SHANK2: variants seen among roughly 807,000 people sequenced by gnomAD.
SHANK2 encodes the protein SH3 and multiple ankyrin repeat domains protein 2.
Under a neutral mutation model 133.7 loss-of-function variants are expected in SHANK2, and 43 were observed. The ratio of observed to expected loss-of-function variants is 0.32; its 90% CI spans 0.25 to 0.41. The LOEUF (loss-of-function observed/expected upper bound fraction) is 0.41, where lower values mean the gene tolerates loss of function less well. Among genes scored for constraint, SHANK2 ranks in the 10% least tolerant of loss-of-function variants. The pLI, the probability that SHANK2 is intolerant of heterozygous loss-of-function variation, is 1.00. For missense variants in SHANK2, 1,994 were observed against 2,235.8 expected (o/e 0.89, Z 2.18); for synonymous variants, 1,017 against 952.8 (o/e 1.07, Z -1.24).
intron 17 of SHANK2, among the ~76,000 whole-genome samples, chr11:70,538,778 CCA>C (rs1395592342): frequency 1.4e-4 from 22 of 152,346 alleles, no homozygotes; most frequent in African/African-American, 5.3e-4. Context: ...CAGCCCCATT[CCA>C]CACAGAGAAA....
chr11:70,931,792 C>T (rs1950507829), intron 10 of SHANK2, among the ~76,000 whole-genome samples: 1 of 152,260 alleles, frequency 6.6e-6, no homozygotes, highest in Non-Finnish European at 1.5e-5. Flanking sequence ...AAGCCACTGC[C>T]TGCTGCTGAA....
chr11:71,248,416 C>A (rs1490608017), intron 1 of SHANK2, among the ~76,000 whole-genome samples: 2 of 152,168 alleles, frequency 1.3e-5, no homozygotes, highest in African/African-American at 2.4e-5. Context: ...AGCTGGGCAG[C>A]GTGCATTTAA....
At chr11:70,921,192 T>C (rs773704104) in intron 10 of SHANK2, among the ~76,000 whole-genome samples, 1 of 152,102 alleles carries the variant, frequency 6.6e-6, no homozygotes, top group South Asian at 2.1e-4. Context: ...AAAAAGAGAA[T>C]AAACAACAAA....
chr11:71,099,229 G>A (rs553460457), intron 6 of SHANK2, among the ~76,000 whole-genome samples: 4 of 151,996 alleles, frequency 2.6e-5, no homozygotes, highest in African/African-American at 9.7e-5. Flanking sequence ...GTGGGAACCC[G>A]GGTGGGGCCC....
chr11:70,913,986 G>T lies in SHANK2; in HGVS notation c.1108-17419C>A, dbSNP rs533192739. Among the ~76,000 whole-genome samples, 41 of 152,342 alleles carry T rather than the reference G, an allele frequency of 2.7e-4. No individual in the cohort carries two copies. In the East Asian group the frequency reaches 7.7e-3, roughly 29 times the overall value. On this transcript the variant is annotated intron_variant, in intron 10 of 25. Transcript: ENST00000601538. ...TTCTCGTTAGAGCAGTGCTGTGAGT[G>T]TTTATTGCTTTTCAATTAATCCACT...
chr11:70,604,191 A>T (rs2060542786), intron 17 of SHANK2: 1 of 152,226 alleles, frequency 6.6e-6, no homozygotes, highest in Non-Finnish European at 1.5e-5. Context: ...CCTTTAATAA[A>T]CACCCATGAA....
chr11:70,741,221 A>C (rs1266770776), intron 14 of SHANK2, among the ~76,000 whole-genome samples: 4 of 150,986 alleles, frequency 2.6e-5, no homozygotes, highest in Admixed American at 1.3e-4. Flanking sequence ...ACATTCATGC[A>C]TTTAACCATG....
intron 17 of SHANK2, among the ~76,000 whole-genome samples, chr11:70,574,742 G>T (rs539325727): frequency 6.6e-6 from 1 of 152,270 alleles, no homozygotes; most frequent in African/African-American, 2.4e-5. Context: ...AGCACAGACC[G>T]GGGGTCTCAG....
intron 1 of SHANK2, among the ~76,000 whole-genome samples, chr11:71,230,648 G>A (rs1954727380): frequency 6.6e-6 from 1 of 151,932 alleles, no homozygotes; most frequent in Non-Finnish European, 1.5e-5. Flanking sequence ...AAAAATGGGA[G>A]GAAATCAGTA....
At chr11:70,713,749 C>A in intron 14 of SHANK2, among the ~76,000 whole-genome samples, 1 of 152,246 alleles carries the variant, frequency 6.6e-6, no homozygotes, top group East Asian at 1.9e-4. Context: ...CTTGATCTGT[C>A]CTTTTCCACC....
chr11:70,873,321 G>A (rs140298344), intron 11 of SHANK2, among the ~76,000 whole-genome samples: 4 of 152,358 alleles, frequency 2.6e-5, no homozygotes, highest in Non-Finnish European at 5.9e-5. Flanking sequence ...ACAAGGTCGA[G>A]ACTTGCAGGG....
intron 3 of SHANK2, among the ~76,000 whole-genome samples, chr11:71,127,855 G>A (rs1952220189): frequency 6.6e-6 from 1 of 152,216 alleles, no homozygotes; most frequent in Non-Finnish European, 1.5e-5. Flanking sequence ...TGAAGAAGAT[G>A]TTGATGTTCA....
chr11:70,828,632 C>T (rs1262554953), intron 11 of SHANK2, among the ~76,000 whole-genome samples: 1 of 152,246 alleles, frequency 6.6e-6, no homozygotes, highest in Non-Finnish European at 1.5e-5. Context: ...GGGCCAGAAG[C>T]TTTCCAGATG....
intron 3 of SHANK2, among the ~76,000 whole-genome samples, chr11:71,131,719 A>G (rs1952310868): frequency 1.3e-5 from 2 of 152,216 alleles, no homozygotes; most frequent in African/African-American, 4.8e-5. Flanking sequence ...AAGTCCCTTT[A>G]GAAGCAATAA....
rs1953415700 is a variant in SHANK2 at position 71,175,539 on chromosome 11, GGAGAGGGAGAGGGAGAGAGA to G, written c.-12-28221_-12-28202del. On this transcript the variant is annotated intron_variant, in intron 2 of 25. Coordinates refer to ENST00000601538, the MANE Select transcript of SHANK2 (RefSeq NM_012309.5). The surrounding 1 kb of genome is among the most constrained non-coding windows in gnomAD (Gnocchi z 4.2). The stretch of plus-strand genomic sequence containing the variant: ...GAAACAGACAGACAGACAGACAGAG[GGAGAGGGAGAGGGAGAGAGA>G]GAGAGAGAGAGAGAGAGAGAGAGAG... 5.0e-5 allele frequency among the ~76,000 whole-genome samples: 4 copies of G among 79,702 alleles called. No individual in the cohort carries two copies. Among genetic ancestry groups the G allele is most frequent in the African/African-American group, 1.6e-4 (3 of 18,442 alleles). 52.3% of individuals were successfully genotyped at this position (79,702 alleles called of 152,430 possible).
At chr11:70,894,240 G>A (rs1949898051) in intron 11 of SHANK2, among the ~76,000 whole-genome samples, 2 of 152,130 alleles carry the variant, frequency 1.3e-5, no homozygotes, top group Admixed American at 1.3e-4. Flanking sequence ...TTGTTGCCCA[G>A]GCTGTAGTGC....
At chr11:71,069,419 C>T (rs1951113282) in intron 9 of SHANK2, among the ~76,000 whole-genome samples, 1 of 152,026 alleles carries the variant, frequency 6.6e-6, no homozygotes, top group African/African-American at 2.4e-5. Context: ...TCACCATCAC[C>T]ACCTTCATCA....
intron 17 of SHANK2, among the ~76,000 whole-genome samples, chr11:70,503,553 C>T (rs528653518): frequency 1.5e-4 from 23 of 152,360 alleles, no homozygotes; most frequent in African/African-American, 5.3e-4. Context: ...GTCTGTACAA[C>T]TAGCTGCCCC....
At chr11:70,483,890 A>C (rs782140718) in intron 25 of SHANK2, among the ~76,000 whole-genome samples, 9 of 152,212 alleles carry the variant, frequency 5.9e-5, no homozygotes, top group Non-Finnish European at 1.2e-4. Context: ...CATCCAAGTC[A>C]TTTATTTACA....
Sources: gnomAD v4.1 joint callset for allele counts (sites outside exome capture counted in the v4.1 genomes callset) on GRCh38, gnomAD v4.1.1 for gene constraint, Gnocchi (gnomAD v3.1) non-coding constraint, MANE v1.5 for transcripts, NCBI Gene and HGNC (gene_info 2026-07-23, HGNC 2026-07-21) for gene names.